DCDC1: variants seen among roughly 807,000 people sequenced by gnomAD.
DCDC1 encodes the protein doublecortin domain-containing protein 1.
In DCDC1, 200 loss-of-function variants were observed where a neutral mutation model predicts 178.3. That is an observed-to-expected ratio of 1.12 (90% CI 1.00 to 1.26). The LOEUF (loss-of-function observed/expected upper bound fraction) is 1.26, where lower values mean the gene tolerates loss of function less well. Among genes scored for constraint, DCDC1 ranks in the 50% most tolerant of loss-of-function variants. The pLI, the probability that DCDC1 is intolerant of heterozygous loss-of-function variation, is 0.00. For missense variants in DCDC1, 1,983 were observed against 1,749.2 expected, an observed-to-expected ratio of 1.13 and a Z score of -2.38; for synonymous variants, 690 against 604.8, an observed-to-expected ratio of 1.14 and a Z score of -2.07.
At chr11:31,146,908 A>C (rs2136068086) in intron 9 of DCDC1, among the ~76,000 whole-genome samples, 1 of 152,232 alleles carries the variant, frequency 6.6e-6, no homozygotes, top group African/African-American at 2.4e-5. Context: ...TGGTTCAGAA[A>C]ATCTCAGGCC....
intron 20 of DCDC1, among the ~76,000 whole-genome samples, chr11:31,059,191 C>A (rs1004714121): frequency 6.6e-6 from 1 of 152,064 alleles, no homozygotes; most frequent in Non-Finnish European, 1.5e-5. Flanking sequence ...CATTTATAGA[C>A]ATAAGCCTAA....
chr11:31,114,810 T>A (rs193220693), intron 11 of DCDC1, among the ~76,000 whole-genome samples: 80 of 152,234 alleles, frequency 5.3e-4, no homozygotes, highest in Non-Finnish European at 1.0e-3. Flanking sequence ...ACACATTTTT[T>A]AAAAGGATCA....
chr11:30,929,974 C>T (rs1221894383), intron 22 of DCDC1, among the ~76,000 whole-genome samples: 2 of 151,994 alleles, frequency 1.3e-5, no homozygotes, highest in African/African-American at 4.8e-5. Context: ...TCAAAACTAC[C>T]TCCAGTAAAT....
chr11:31,223,660 T>C (rs1974551771), intron 9 of DCDC1, among the ~76,000 whole-genome samples: 1 of 152,182 alleles, frequency 6.6e-6, no homozygotes, highest in African/African-American at 2.4e-5. Flanking sequence ...ATGAATAAAT[T>C]ACTGTGTGGA....
chr11:30,906,801 T>G, intron 29 of DCDC1, 76 bp from the exon 30 acceptor site: 1 of 1,311,464 alleles, frequency 7.6e-7, no homozygotes, highest in Non-Finnish European at 1.0e-6. Flanking sequence ...CATTTTACAA[T>G]ATAAATATAG....
chr11:31,275,538 CTT>C (rs1009795855), intron 7 of DCDC1, among the ~76,000 whole-genome samples: 12 of 152,202 alleles, frequency 7.9e-5, no homozygotes, highest in Non-Finnish European at 1.6e-4. Flanking sequence ...GAGTTTCGCT[CTT>C]GTTGCCTAGG....
intron 37 of DCDC1, among the ~76,000 whole-genome samples, chr11:30,879,548 T>C (rs951557438): frequency 5.3e-5 from 8 of 152,112 alleles, no homozygotes. Flanking sequence ...CCTTTCACCA[T>C]GAAGGTAACA....
chr11:30,985,883 C>T (rs1382948607), intron 20 of DCDC1, among the ~76,000 whole-genome samples: 2 of 152,096 alleles, frequency 1.3e-5, no homozygotes, highest in Admixed American at 6.6e-5. Context: ...AATAGTAAGA[C>T]ACTTTATGAA....
chr11:30,954,829 G>A (rs963882974), intron 20 of DCDC1, among the ~76,000 whole-genome samples: 1 of 152,146 alleles, frequency 6.6e-6, no homozygotes, highest in Non-Finnish European at 1.5e-5. Context: ...ACTTGGCCTT[G>A]TATTTCTCTT....
intron 1 of DCDC1, among the ~76,000 whole-genome samples, chr11:31,353,101 C>T (rs528357781): frequency 4.6e-5 from 7 of 152,318 alleles, no homozygotes; most frequent in African/African-American, 1.4e-4. Flanking sequence ...TGACAATACA[C>T]ATAATTTCCA....
rs564028473 is a variant in DCDC1 at position 30,868,810 on chromosome 11, A to T, written c.*41-3478T>A. 8.5e-5 allele frequency among the ~76,000 whole-genome samples: 13 copies of T among 152,332 alleles called. No individual in the cohort carries two copies. In the East Asian group the frequency reaches 2.5e-3, roughly 29 times the overall value. On this transcript the variant is annotated intron_variant, in intron 38 of 38. Coordinates refer to ENST00000684477, the MANE Select transcript of DCDC1 (RefSeq NM_001387274.1). The stretch of plus-strand genomic sequence containing the variant: ...CAGACAAATGTTTAACTGTTCTCAG[A>T]TTATCTATAACACCCCAGGCCAAAG...
At chr11:30,922,759 T>A in intron 23 of DCDC1, 121 bp from the exon 24 acceptor site, 1 of 975,784 alleles carries the variant, frequency 1.0e-6, no homozygotes, top group Non-Finnish European at 1.4e-6. Context: ...GGTGAATGAT[T>A]AAAGAAAACT....
Position 31,126,768 on chromosome 11 carries a change from C to T in DCDC1, c.1485+701G>A, listed in dbSNP as rs79458349. On this transcript the variant is annotated intron_variant, in intron 11 of 38. Coordinates refer to ENST00000684477, the MANE Select transcript of DCDC1 (RefSeq NM_001387274.1). ...ATATGAAATTATAGGACAATATTAA[C>T]TTGACAAACTTAACATGGAATATCT... Among the ~76,000 whole-genome samples the T allele has an allele frequency of 6.0e-3, 913 of 152,254 alleles. 12 individuals are homozygous for T. Among genetic ancestry groups the T allele is most frequent in the African/African-American group, 0.021 (878 of 41,564 alleles).
chr11:30,899,054 T>A (rs914697773), intron 34 of DCDC1, among the ~76,000 whole-genome samples: 2 of 151,754 alleles, frequency 1.3e-5, no homozygotes, highest in Admixed American at 1.3e-4. Flanking sequence ...TAAAAAGGAG[T>A]CATTTTAAGT....
intron 25 of DCDC1, among the ~76,000 whole-genome samples, chr11:30,918,307 A>G (rs939796736): frequency 6.6e-6 from 1 of 152,162 alleles, no homozygotes; most frequent in African/African-American, 2.4e-5. Context: ...ATCTTGCTTT[A>G]TTAATTTGTT....
chr11:31,034,386 T>C (rs1953879519), intron 20 of DCDC1, among the ~76,000 whole-genome samples: 1 of 152,218 alleles, frequency 6.6e-6, no homozygotes, highest in South Asian at 2.1e-4. Context: ...TGAACGTTTA[T>C]AAAGTTTACA....
chr11:30,917,636 G>A (rs565313006), intron 25 of DCDC1, among the ~76,000 whole-genome samples: 1 of 152,296 alleles, frequency 6.6e-6, no homozygotes, highest in African/African-American at 2.4e-5. Context: ...AAGATATAAA[G>A]GGGATCAGTA....
chr11:31,328,241 A>G lies in DCDC1; in HGVS notation c.40T>C (p.Ser14Pro). The part of the protein sequence containing the change: ...TGAEDHREAL[S>P]QSSLSLLTEA... The stretch of plus-strand genomic sequence containing the variant: ...GTCAAGAGGGATAAGGAAGACTGAG[A>G]TAGTGCTTCTCTGTGATCTTCTGCT... Residue 14 changes from serine (S) to proline (P), a missense_variant, in exon 3 of 39, where the codon TCT (serine) becomes CCT (proline). By Grantham distance (74) the Ser-to-Pro change is moderately conservative (BLOSUM62 -1). Coordinates refer to ENST00000684477, the MANE Select transcript of DCDC1 (RefSeq NM_001387274.1). The G allele has an allele frequency of 6.2e-7, 1 of 1,601,606 alleles. No homozygotes were observed. Among genetic ancestry groups the G allele is most frequent in the African/African-American group, 1.3e-5 (1 of 74,882 alleles).
intron 21 of DCDC1, among the ~76,000 whole-genome samples, chr11:30,942,797 CTT>C (rs1947748584): frequency 6.6e-6 from 1 of 152,256 alleles, no homozygotes; most frequent in East Asian, 1.9e-4. Context: ...GCCCAAGAGT[CTT>C]CTCTTTTTAA....
Sources: allele counts gnomAD v4.1 joint callset (sites outside exome capture counted in the v4.1 genomes callset), GRCh38; gene constraint gnomAD v4.1.1; transcripts MANE v1.5; gene names NCBI Gene and HGNC (gene_info 2026-07-23, HGNC 2026-07-21).